ADGRB3: variants seen among roughly 807,000 people sequenced by gnomAD.
ADGRB3 encodes the protein adhesion G protein-coupled receptor B3, also known as brain-specific angiogenesis inhibitor 3.
A neutral mutation model predicts 193.4 loss-of-function variants in ADGRB3; 37 were observed. The observed-to-expected ratio is 0.19, with a 90% CI of 0.15 to 0.25. The LOEUF is 0.25. Ranked by LOEUF, ADGRB3 falls within the 10% of genes least tolerant of loss-of-function variation. The pLI is 1.00. For synonymous variants in ADGRB3, 690 were observed against 644.2 expected (o/e 1.07, Z -1.08); for missense variants, 1,637 against 1,852.9 (o/e 0.88, Z 2.14).
intron 20 of ADGRB3, among the ~76,000 whole-genome samples, chr6:69,296,735 C>T (rs965971756): frequency 6.6e-6 from 1 of 152,048 alleles, no homozygotes; most frequent in South Asian, 2.1e-4. Context: ...ATCCTCATAC[C>T]ATGTCTATGA....
chr6:69,002,985 A>G (rs994499035), intron 11 of ADGRB3, among the ~76,000 whole-genome samples: 2 of 152,190 alleles, frequency 1.3e-5, no homozygotes, highest in Non-Finnish European at 2.9e-5. Flanking sequence ...GACCTTCAAG[A>G]TGTGGCTTTA....
chr6:69,105,962 T>C (rs1336748107), intron 17 of ADGRB3, among the ~76,000 whole-genome samples: 1 of 151,912 alleles, frequency 6.6e-6, no homozygotes, highest in Admixed American at 6.6e-5. Context: ...TGGTGAAAGC[T>C]TATCTCTAGT....
chr6:68,802,117 TA>T (rs5877169), intron 3 of ADGRB3, among the ~76,000 whole-genome samples: 109,480 of 151,868 alleles, frequency 0.72, 39,772 homozygotes, highest in Middle Eastern at 0.88. Context: ...AACTCAGACA[TA>T]AACCCAAGAC....
intron 3 of ADGRB3, among the ~76,000 whole-genome samples, chr6:68,820,949 C>T (rs1767738018): frequency 6.6e-6 from 1 of 151,932 alleles, no homozygotes; most frequent in African/African-American, 2.4e-5. Flanking sequence ...ACATGAAGTA[C>T]AGAAAAGAGC....
At chr6:68,807,228 CTTTTTTCTTTTTT>C (rs1767418795) in intron 3 of ADGRB3, among the ~76,000 whole-genome samples, 1 of 94,670 alleles carries the variant, frequency 1.1e-5, no homozygotes, top group East Asian at 3.4e-4. Context: ...TTTCTTTTTT[CTTTTTTCTTTTTT>C]TTTTTTTTTT....
intron 3 of ADGRB3, among the ~76,000 whole-genome samples, chr6:68,839,455 G>T (rs1768109455): frequency 6.6e-6 from 1 of 152,110 alleles, no homozygotes; most frequent in African/African-American, 2.4e-5. Context: ...TACTTTTCTG[G>T]GAAGGTTTGC....
intron 17 of ADGRB3, among the ~76,000 whole-genome samples, chr6:69,101,440 G>T (rs1450801187): frequency 6.6e-6 from 1 of 151,402 alleles, no homozygotes. Flanking sequence ...TATCGTGTGT[G>T]TGTGTGTGTG....
intron 17 of ADGRB3, among the ~76,000 whole-genome samples, chr6:69,153,888 G>A (rs1246075501): frequency 6.6e-6 from 1 of 152,084 alleles, no homozygotes; most frequent in Non-Finnish European, 1.5e-5. Context: ...AGCTACTCGG[G>A]AGGCTGAGGC....
At chr6:68,672,562 T>C (rs1167811425) in intron 3 of ADGRB3, among the ~76,000 whole-genome samples, 2 of 152,026 alleles carry the variant, frequency 1.3e-5, no homozygotes, top group African/African-American at 4.8e-5. Flanking sequence ...AGAAATATCT[T>C]CATATTTACC....
At chr6:69,030,685 G>T (rs913887965) in intron 13 of ADGRB3, among the ~76,000 whole-genome samples, 2 of 152,158 alleles carry the variant, frequency 1.3e-5, no homozygotes, top group Non-Finnish European at 2.9e-5. Flanking sequence ...GTTGATGGGT[G>T]CAGCAAACCA....
intron 3 of ADGRB3, among the ~76,000 whole-genome samples, chr6:68,744,289 G>T (rs1766039194): frequency 1.3e-5 from 2 of 152,010 alleles, no homozygotes; most frequent in Non-Finnish European, 2.9e-5. Context: ...ACTGTTGATG[G>T]GAGTGTAAAT....
intron 3 of ADGRB3, among the ~76,000 whole-genome samples, chr6:68,760,261 A>T (rs1193220546): frequency 6.6e-6 from 1 of 152,218 alleles, no homozygotes; most frequent in Non-Finnish European, 1.5e-5. Context: ...ACACATACAC[A>T]TACACACATA....
intron 31 of ADGRB3, among the ~76,000 whole-genome samples, chr6:69,384,674 G>C (rs2127241133): frequency 6.6e-6 from 1 of 152,094 alleles, no homozygotes; most frequent in Admixed American, 6.6e-5. Context: ...CTCTGCAGCA[G>C]CGTGCCTTTT....
At chr6:69,138,928 T>C (rs1056981057) in intron 17 of ADGRB3, among the ~76,000 whole-genome samples, 2 of 152,220 alleles carry the variant, frequency 1.3e-5, no homozygotes, top group Non-Finnish European at 1.5e-5. Context: ...CTTTTAAAGT[T>C]AGCTAGTGCA....
intron 3 of ADGRB3, among the ~76,000 whole-genome samples, chr6:68,894,890 G>C (rs1490775442): frequency 2.0e-5 from 3 of 151,614 alleles, no homozygotes; most frequent in Non-Finnish European, 4.4e-5. Context: ...TCAGTGTTCA[G>C]TGTTTATAAT....
chr6:69,234,644 A>G (rs1766221734), intron 18 of ADGRB3, among the ~76,000 whole-genome samples: 1 of 152,174 alleles, frequency 6.6e-6, no homozygotes, highest in Non-Finnish European at 1.5e-5. Context: ...ACCAAGAATC[A>G]TATTGTGAAA....
At chr6:68,667,880 G>GC (rs1002587858) in intron 3 of ADGRB3, among the ~76,000 whole-genome samples, 2 of 151,428 alleles carry the variant, frequency 1.3e-5, no homozygotes, top group Admixed American at 1.3e-4. Context: ...CAGGAGAGAG[G>GC]CCCCACATTT....
intron 3 of ADGRB3, among the ~76,000 whole-genome samples, chr6:68,893,873 T>A (rs141790413): frequency 6.6e-6 from 1 of 152,096 alleles, no homozygotes; most frequent in African/African-American, 2.4e-5. Flanking sequence ...ACTGTACTTA[T>A]ATACCTTTCT....
Position 69,361,409 on chromosome 6 carries a change from A to C in ADGRB3, c.4136A>C (p.Glu1379Ala). ...PQEHMQNLPF[E>A]PRTAVKNFMA... ...GAACATATGCAGAATTTGCCCTTTG[A>C]ACCTCGCACAGCTGTGAAGAATTTC... Residue 1379 changes from glutamate (E) to alanine (A), a missense_variant, in exon 29 of 32, where the codon GAA (glutamate) becomes GCA (alanine). This residue lies in a region of ADGRB3 where 368 missense variants were observed against 367.4 expected (regional missense o/e 1.00). Transcript: ENST00000370598. 2.5e-6 allele frequency: 4 copies of C among 1,612,988 alleles called. No individual in the cohort carries two copies. The highest frequency in any genetic ancestry group is 3.4e-6 in the Non-Finnish European group (4 of 1,179,218).
Sources: allele counts gnomAD v4.1 joint callset (sites outside exome capture counted in the v4.1 genomes callset), GRCh38; gene constraint gnomAD v4.1.1; regional missense constraint gnomAD v4.1.1; transcripts MANE v1.5; gene names NCBI Gene and HGNC (gene_info 2026-07-23, HGNC 2026-07-21).